Variants in CEP112 observed in about 807,000 individuals in gnomAD.
The protein encoded by CEP112 is centrosomal protein 112.
In CEP112, 127 loss-of-function variants were observed where a neutral mutation model predicts 153.0. The ratio of observed to expected loss-of-function variants is 0.83; its 90% confidence interval spans 0.72 to 0.96. The LOEUF (loss-of-function observed/expected upper bound fraction) is 0.96. CEP112 is among the 40% of genes least tolerant of loss of function. The probability of loss-of-function intolerance (pLI) is 0.00; values close to 1 mark genes in which losing one functional copy is unlikely to be tolerated. For synonymous variants in CEP112, 358 were observed against 374.4 expected, an observed-to-expected ratio of 0.96 and a Z score of 0.51; for missense variants, 1,089 against 1,101.2, an observed-to-expected ratio of 0.99 and a Z score of 0.16.
chr17:65,822,336 G>A (rs996218387), intron 21 of CEP112, among the ~76,000 whole-genome samples: 9 of 151,922 alleles, frequency 5.9e-5, no homozygotes, highest in Admixed American at 5.2e-4. Flanking sequence ...CCAGGACTCC[G>A]GTGATACCAA....
intron 24 of CEP112, among the ~76,000 whole-genome samples, chr17:65,682,790 C>T (rs232111): frequency 0.11 from 16,911 of 152,204 alleles, 1,098 homozygotes; most frequent in Admixed American, 0.2. Context: ...TGCCCTCTAA[C>T]TAGAATGTCC....
intron 6 of CEP112, among the ~76,000 whole-genome samples, chr17:66,118,311 CCATCAAAG>C: frequency 6.6e-6 from 1 of 152,006 alleles, no homozygotes; most frequent in East Asian, 1.9e-4. Flanking sequence ...ATCTTATTGC[CCATCAAAG>C]GATAAATGGA....
chr17:66,167,773 T>C (rs919071222), intron 4 of CEP112, among the ~76,000 whole-genome samples: 5 of 152,250 alleles, frequency 3.3e-5, no homozygotes, highest in African/African-American at 1.2e-4. Context: ...GTCACTGGAC[T>C]TTCCTGAAGC....
At chr17:65,880,727 G>A (rs896184668) in intron 20 of CEP112, among the ~76,000 whole-genome samples, 1 of 152,190 alleles carries the variant, frequency 6.6e-6, no homozygotes, top group African/African-American at 2.4e-5. Context: ...TGAGGCTGGG[G>A]CTAGCTCACA....
chr17:65,707,525 A>G (rs566343257), intron 23 of CEP112, among the ~76,000 whole-genome samples: 13 of 152,300 alleles, frequency 8.5e-5, no homozygotes, highest in East Asian at 1.9e-4. Flanking sequence ...CCATGCTTAG[A>G]AGGTCCTACA....
At chr17:66,040,660 G>T (rs529810784) in intron 12 of CEP112, among the ~76,000 whole-genome samples, 1 of 149,974 alleles carries the variant, frequency 6.7e-6, no homozygotes, top group South Asian at 2.1e-4. Context: ...TTGGCGAATT[G>T]TTGTATTTTT....
intron 23 of CEP112, among the ~76,000 whole-genome samples, chr17:65,708,553 T>G (rs1268575960): frequency 2.0e-5 from 3 of 152,162 alleles, no homozygotes; most frequent in Non-Finnish European, 4.4e-5. Context: ...AGTGTAATCG[T>G]AGAAGCTTCT....
At chr17:65,970,749 C>T (rs1033334886) in intron 17 of CEP112, among the ~76,000 whole-genome samples, 1 of 53,410 alleles carries the variant, frequency 1.9e-5, no homozygotes, top group Non-Finnish European at 3.9e-5. Context: ...TTAATACATG[C>T]ACATTACAGG....
At chr17:66,165,075 T>C (rs1054213097) in intron 4 of CEP112, among the ~76,000 whole-genome samples, 1 of 150,894 alleles carries the variant, frequency 6.6e-6, no homozygotes, top group African/African-American at 2.4e-5. Flanking sequence ...AGGTCTCCCA[T>C]GTGGCAGAGC....
At chr17:65,834,743 C>T (rs1393136300) in intron 21 of CEP112, among the ~76,000 whole-genome samples, 3 of 152,084 alleles carry the variant, frequency 2.0e-5, no homozygotes, top group Non-Finnish European at 2.9e-5. Flanking sequence ...TATACACTGT[C>T]TGTGGGAGTG....
chr17:65,940,355 A>G (rs376909470), intron 18 of CEP112, among the ~76,000 whole-genome samples: 8 of 152,280 alleles, frequency 5.3e-5, no homozygotes, highest in African/African-American at 1.9e-4. Flanking sequence ...AAATAGAACT[A>G]CCATTTTTTC....
chr17:66,085,526 G>A (rs2067888616), intron 8 of CEP112, among the ~76,000 whole-genome samples: 3 of 152,050 alleles, frequency 2.0e-5, no homozygotes, highest in Non-Finnish European at 4.4e-5. Flanking sequence ...AATACCATTT[G>A]TTATAGAAAA....
intron 16 of CEP112, among the ~76,000 whole-genome samples, chr17:66,010,752 AATTGC>A (rs1340567836): frequency 6.6e-6 from 1 of 152,138 alleles, no homozygotes; most frequent in Non-Finnish European, 1.5e-5. Context: ...TTATGTGATG[AATTGC>A]ATTTATTGAT....
intron 17 of CEP112, among the ~76,000 whole-genome samples, chr17:66,003,977 C>A (rs1184597989): frequency 7.1e-6 from 1 of 140,230 alleles, no homozygotes; most frequent in Non-Finnish European, 1.5e-5. Flanking sequence ...AAGAAATTAC[C>A]CCTTCCTTAG....
At chr17:66,088,338 C>A (rs184180080) in intron 8 of CEP112, among the ~76,000 whole-genome samples, 1 of 152,118 alleles carries the variant, frequency 6.6e-6, no homozygotes, top group African/African-American at 2.4e-5. Flanking sequence ...CATTGCCAGG[C>A]GGGCCCAGTG....
At chr17:66,004,759 C>T (rs117143739) in intron 17 of CEP112, among the ~76,000 whole-genome samples, 4,344 of 152,192 alleles carry the variant, frequency 0.029, 107 homozygotes, top group South Asian at 0.047. Flanking sequence ...AGGCAGAATT[C>T]GATACTAAAT....
At chr17:66,021,923 C>A (rs529919459) in intron 16 of CEP112, among the ~76,000 whole-genome samples, 2 of 152,302 alleles carry the variant, frequency 1.3e-5, no homozygotes, top group Admixed American at 6.5e-5. Flanking sequence ...GAGCAACTGG[C>A]GTTTTTACCT....
intron 16 of CEP112, among the ~76,000 whole-genome samples, chr17:66,011,209 C>T (rs370114633): frequency 5.3e-5 from 8 of 151,840 alleles, no homozygotes; most frequent in African/African-American, 7.3e-5. Flanking sequence ...TATGGTTTTT[C>T]GCATCTCAAT....
intron 24 of CEP112, among the ~76,000 whole-genome samples, chr17:65,656,478 C>A: frequency 6.6e-6 from 1 of 152,220 alleles, no homozygotes; most frequent in Non-Finnish European, 1.5e-5. Flanking sequence ...CGTGTTGCAT[C>A]TGTTAGACCA....
Sources: gnomAD v4.1 joint callset for allele counts (sites outside exome capture counted in the v4.1 genomes callset) on GRCh38, gnomAD v4.1.1 for gene constraint, MANE v1.5 for transcripts, NCBI Gene and HGNC (gene_info 2026-07-23, HGNC 2026-07-21) for gene names.